Variants in LIPA observed in about 807,000 individuals in gnomAD.
The protein encoded by LIPA is lipase A, lysosomal acid type.
Under a neutral mutation model 40.6 loss-of-function variants are expected in LIPA, and 26 were observed. The ratio of observed to expected loss-of-function variants is 0.64; its 90% CI spans 0.47 to 0.89. The LOEUF is 0.89. LIPA is among the 40% of genes least tolerant of loss of function. The probability of loss-of-function intolerance (pLI) is 0.00; values close to 1 mark genes in which losing one functional copy is unlikely to be tolerated. For synonymous variants in LIPA, 188 were observed against 168.4 expected (o/e 1.12, Z -0.90); for missense variants, 455 against 479.6 (o/e 0.95, Z 0.48).
intron 1 of LIPA, chr10:89,328,114 T>C: frequency 1.2e-6 from 2 of 1,608,538 alleles, no homozygotes; most frequent in Non-Finnish European, 8.5e-7. Flanking sequence ...ATGCTTGTTT[T>C]TGAGTGCAAA....
intron 7 of LIPA, 33 bp from the exon 8 acceptor site, chr10:89,222,615 A>G (rs899289266): frequency 7.7e-7 from 1 of 1,294,918 alleles, no homozygotes. Context: ...TGAAGAATGA[A>G]AACAGCATTA....
At chr10:89,216,892 G>C (rs978338318) in intron 8 of LIPA, among the ~76,000 whole-genome samples, 1 of 152,088 alleles carries the variant, frequency 6.6e-6, no homozygotes, top group African/African-American at 2.4e-5. Context: ...TTGAGTACTG[G>C]TATCAGTATA....
intron 1 of LIPA, among the ~76,000 whole-genome samples, chr10:89,269,709 T>C (rs1280449354): frequency 6.6e-6 from 1 of 152,258 alleles, no homozygotes. Context: ...TTCAAAAATA[T>C]TAATTTCCTT....
chr10:89,295,372 T>TA (rs1050862393), intron 1 of LIPA, among the ~76,000 whole-genome samples: 13 of 152,190 alleles, frequency 8.5e-5, no homozygotes, highest in African/African-American at 3.1e-4. Context: ...TCAAATTTTT[T>TA]AAAAAATCTC....
chr10:89,386,947 G>C lies in LIPA; in HGVS notation c.61+25844C>G, dbSNP rs547045767. ...AGTTTATGAGTCTGTGGGTATATGA[G>C]TGTGTGTGTGTGTGTGTGTGTGTGT... On this transcript the variant is annotated intron_variant, in intron 2 of 8. Transcript: ENST00000371837. Among the ~76,000 whole-genome samples the C allele has an allele frequency of 1.2e-4, 9 of 76,608 alleles. No homozygotes were observed. The South Asian group carries it at 3.4e-3, about 29-fold the overall frequency. The allele number at this position is 76,608 out of a possible 152,430, so 50.3% of individuals were successfully genotyped here.
At chr10:89,263,886 G>T (rs1344262952) in intron 1 of LIPA, among the ~76,000 whole-genome samples, 3 of 152,242 alleles carry the variant, frequency 2.0e-5, no homozygotes, top group African/African-American at 2.4e-5. Flanking sequence ...GCTCTGGTGG[G>T]GTGGGCAGCT....
intron 1 of LIPA, among the ~76,000 whole-genome samples, chr10:89,260,614 T>C (rs974724734): frequency 1.3e-5 from 2 of 152,222 alleles, no homozygotes; most frequent in Admixed American, 6.5e-5. Flanking sequence ...CGACACATTC[T>C]GGTACATGGG....
intron 2 of LIPA, among the ~76,000 whole-genome samples, chr10:89,377,888 AC>A (rs1245914164): frequency 6.6e-6 from 1 of 152,078 alleles, no homozygotes; most frequent in Admixed American, 6.6e-5. Context: ...CTTCTCACAC[AC>A]CCATCCTCTT....
At chr10:89,252,499 AAAC>A (rs199531627), upstream of LIPA, among the ~76,000 whole-genome samples, 2,444 of 152,176 alleles carry the variant, frequency 0.016, 33 homozygotes, top group South Asian at 0.036. Flanking sequence ...AAAAACAAAC[AAAC>A]AACAACAACA....
At chr10:89,369,179 T>C (rs982312104) in intron 2 of LIPA, among the ~76,000 whole-genome samples, 4 of 152,362 alleles carry the variant, frequency 2.6e-5, no homozygotes, top group South Asian at 2.1e-4. Context: ...TACATTCTTC[T>C]TGTACATACA....
chr10:89,395,976 A>AC (rs1396562756), intron 2 of LIPA, among the ~76,000 whole-genome samples: 2 of 152,242 alleles, frequency 1.3e-5, no homozygotes, highest in East Asian at 1.9e-4. Context: ...TTTTTTATCT[A>AC]TCAGTTGGTG....
chr10:89,362,915 C>G, intron 2 of LIPA: 1 of 273,604 alleles, frequency 3.7e-6, no homozygotes, highest in East Asian at 6.7e-5. Context: ...TTTCTCTGCA[C>G]CCCCTAAAAT....
At chr10:89,375,862 A>G (rs1844116958) in intron 2 of LIPA, among the ~76,000 whole-genome samples, 1 of 152,168 alleles carries the variant, frequency 6.6e-6, no homozygotes, top group Admixed American at 6.6e-5. Context: ...ATGGAAGAAT[A>G]CATGGATCTA....
intron 2 of LIPA, among the ~76,000 whole-genome samples, chr10:89,382,006 G>C (rs1294630360): frequency 6.6e-6 from 1 of 152,044 alleles, no homozygotes; most frequent in Non-Finnish European, 1.5e-5. Flanking sequence ...CTGAGCTCAG[G>C]CAATCTGCCT....
chr10:89,378,196 A>G, intron 2 of LIPA: 10 of 1,604,850 alleles, frequency 6.2e-6, no homozygotes, highest in Non-Finnish European at 8.5e-6. Context: ...AAATTCTAAA[A>G]CTTTCCTTAA....
At chr10:89,306,130 C>A in intron 1 of LIPA, 1 of 1,614,100 alleles carries the variant, frequency 6.2e-7, no homozygotes, top group Non-Finnish European at 8.5e-7. Context: ...ACCTACTGGC[C>A]TATCTAAAGC....
At chr10:89,401,641 A>G (rs1295994975) in intron 2 of LIPA, among the ~76,000 whole-genome samples, 3 of 152,174 alleles carry the variant, frequency 2.0e-5, no homozygotes, top group African/African-American at 7.2e-5. Flanking sequence ...GCATTGTTGT[A>G]CCAATGTCAA....
At chr10:89,408,958 C>G (rs921161744) in intron 2 of LIPA, among the ~76,000 whole-genome samples, 1 of 152,162 alleles carries the variant, frequency 6.6e-6, no homozygotes, top group Non-Finnish European at 1.5e-5. Context: ...ATCTGTTGAC[C>G]TGTGTTCTAG....
chr10:89,322,477 G>C (rs1288108156), intron 1 of LIPA, among the ~76,000 whole-genome samples: 1 of 152,158 alleles, frequency 6.6e-6, no homozygotes, highest in Non-Finnish European at 1.5e-5. Context: ...GAAAGGGTGA[G>C]TGAGTGAGAA....
Sources: allele counts gnomAD v4.1 joint callset (sites outside exome capture counted in the v4.1 genomes callset), GRCh38; gene constraint gnomAD v4.1.1; transcripts MANE v1.5; gene names NCBI Gene and HGNC (gene_info 2026-07-23, HGNC 2026-07-21).